Variants in KCNN2 observed in about 807,000 individuals in gnomAD.
The protein encoded by KCNN2 is potassium calcium-activated channel subfamily N member 2.
A neutral mutation model predicts 55.5 loss-of-function variants in KCNN2; 24 were observed. The ratio of observed to expected loss-of-function variants is 0.43; its 90% CI spans 0.31 to 0.61. The LOEUF (loss-of-function observed/expected upper bound fraction) is 0.61, where lower values mean the gene tolerates loss of function less well. Ranked by LOEUF, KCNN2 falls within the 20% of genes least tolerant of loss-of-function variation. KCNN2 has a pLI of 0.08. For missense variants in KCNN2, 754 were observed against 853.6 expected (o/e 0.88, Z 1.45); for synonymous variants, 431 against 336.1 (o/e 1.28, Z -3.09).
intron 2 of KCNN2, among the ~76,000 whole-genome samples, chr5:114,221,923 T>C (rs1197623094): frequency 6.6e-6 from 1 of 152,214 alleles, no homozygotes; most frequent in Admixed American, 6.5e-5. Flanking sequence ...ATCTTTGTTC[T>C]GGAACAAAAT....
At chr5:114,433,863 C>A (rs754619661) in intron 3 of KCNN2, 7 of 155,422 alleles carry the variant, frequency 4.5e-5, no homozygotes, top group Non-Finnish European at 9.9e-5. Context: ...CTGTAACACT[C>A]ACCGCCAGGG....
At chr5:114,139,467 C>A (rs73779706) in intron 1 of KCNN2, among the ~76,000 whole-genome samples, 26 of 146,374 alleles carry the variant, frequency 1.8e-4, no homozygotes, top group Non-Finnish European at 2.6e-4. Context: ...CCACCCCCCC[C>A]ACACACACAC....
intron 1 of KCNN2, among the ~76,000 whole-genome samples, chr5:114,067,923 G>GT (rs767142458): frequency 2.7e-4 from 41 of 152,272 alleles, no homozygotes; most frequent in Non-Finnish European, 5.1e-4. Flanking sequence ...ATTATATGAA[G>GT]TTTTTTTAGC....
chr5:114,422,519 G>A (rs935923243), intron 3 of KCNN2, among the ~76,000 whole-genome samples: 3 of 151,352 alleles, frequency 2.0e-5, no homozygotes, highest in African/African-American at 7.4e-5. Flanking sequence ...AAGCCAGTCA[G>A]CTTATGGTAT....
At chr5:114,412,623 C>T (rs539839221) in intron 3 of KCNN2, among the ~76,000 whole-genome samples, 4 of 152,218 alleles carry the variant, frequency 2.6e-5, no homozygotes, top group African/African-American at 2.4e-5. Flanking sequence ...TAGGGAGCCA[C>T]ATATTAGAGT....
intron 5 of KCNN2, 110 bp from the exon 6 acceptor site, chr5:114,486,940 A>G: frequency 7.5e-7 from 1 of 1,336,562 alleles, no homozygotes; most frequent in Non-Finnish European, 1.1e-6. Flanking sequence ...TGGTTACTAA[A>G]TGAAGCTACA....
Position 114,436,584 on chromosome 5 carries a change from C to T in KCNN2, c.1638-26465C>T, listed in dbSNP as rs574190972. 1.2e-4 allele frequency among the ~76,000 whole-genome samples: 19 copies of T among 152,212 alleles called. No individual in the cohort carries two copies. The East Asian group carries it at 2.3e-3, about 19-fold the overall frequency. ...TTCCACCTAGGCATACATACTTGGACGGTTGTTTGGTTTTTTCCTCACGAT... is the reference window on the plus strand; with the variant it reads ...TTCCACCTAGGCATACATACTTGGATGGTTGTTTGGTTTTTTCCTCACGAT... On this transcript the variant is annotated intron_variant, in intron 3 of 7. Coordinates refer to ENST00000673685, the MANE Select transcript of KCNN2 (RefSeq NM_021614.4).
rs79894865 is a variant in KCNN2 at position 114,133,011 on chromosome 5, C to T, written c.-271+76511C>T. ...TGGAGAGAGAAAGAGAGGGATTCTT[C>T]TACCCATATTCCCAAAGTATCTAAT... is the stretch of plus-strand genomic sequence containing the variant. On this transcript the variant is annotated intron_variant, in intron 1 of 10. Coordinates refer to the KCNN2 transcript ENST00000512097. 8.6e-4 allele frequency among the ~76,000 whole-genome samples: 131 copies of T among 152,320 alleles called. 1 individual carries two copies. Among genetic ancestry groups the T allele is most frequent in the African/African-American group, 3.1e-3 (130 of 41,580 alleles).
chr5:114,241,407 A>T (rs1186471382), intron 2 of KCNN2, among the ~76,000 whole-genome samples: 1 of 151,880 alleles, frequency 6.6e-6, no homozygotes, highest in African/African-American at 2.4e-5. Flanking sequence ...ATGTATACCA[A>T]GTTGCTATAA....
chr5:114,471,795 C>T (rs1243529278), intron 4 of KCNN2, among the ~76,000 whole-genome samples: 2 of 152,172 alleles, frequency 1.3e-5, no homozygotes, highest in African/African-American at 4.8e-5. Context: ...GCAGTATTGG[C>T]TCATCATTGT....
At chr5:114,315,805 G>C (rs945044961) in intron 2 of KCNN2, among the ~76,000 whole-genome samples, 1 of 152,052 alleles carries the variant, frequency 6.6e-6, no homozygotes, top group Non-Finnish European at 1.5e-5. Flanking sequence ...CAGATAAAAA[G>C]CACTTTGGAG....
intron 3 of KCNN2, among the ~76,000 whole-genome samples, chr5:114,460,232 TTTTGTTTG>T (rs530209198): frequency 6.6e-6 from 1 of 152,050 alleles, no homozygotes; most frequent in African/African-American, 2.4e-5. Context: ...AAGGTTGTTT[TTTTGTTTG>T]TTTGTTTGTT....
chr5:114,396,805 A>G (rs548584502), intron 2 of KCNN2, among the ~76,000 whole-genome samples: 1 of 152,196 alleles, frequency 6.6e-6, no homozygotes, highest in South Asian at 2.1e-4. Context: ...TTGGCCTCCA[A>G]AAGTGCTGGG....
chr5:114,264,882 T>C (rs1488221720), intron 2 of KCNN2, among the ~76,000 whole-genome samples: 1 of 152,194 alleles, frequency 6.6e-6, no homozygotes, highest in African/African-American at 2.4e-5. Flanking sequence ...TGACAAAAGG[T>C]TCAAGTGCCC....
At chr5:114,380,819 T>C (rs750212311) in intron 2 of KCNN2, among the ~76,000 whole-genome samples, 1 of 151,950 alleles carries the variant, frequency 6.6e-6, no homozygotes, top group African/African-American at 2.4e-5. Flanking sequence ...GCCTTTGGGG[T>C]TCACTAATGC....
At position 114,123,658 on chromosome 5, in the gene KCNN2, C is replaced by T. The variant is rs936406004; in HGVS notation, c.-271+67158C>T. ...GATTACAGGCGTGAGCCACCGCGCC[C>T]GGCCTCATTTTCTTAATTTTTTTGT... On this transcript the variant is annotated intron_variant, in intron 1 of 10. Coordinates refer to the KCNN2 transcript ENST00000512097. Among the ~76,000 whole-genome samples the T allele has an allele frequency of 9.4e-5, 6 of 63,588 alleles. No individual in the cohort carries two copies. In the East Asian group the frequency reaches 1.0e-3, roughly 11 times the overall value. The allele number at this position is 63,588 out of a possible 152,430, so 41.7% of individuals were successfully genotyped here.
chr5:114,070,241 C>T (rs116197894), intron 1 of KCNN2, among the ~76,000 whole-genome samples: 1,704 of 152,306 alleles, frequency 0.011, 30 homozygotes, highest in African/African-American at 0.04. Flanking sequence ...TTGCCAGTTC[C>T]TCCTCTCTGA....
intron 3 of KCNN2, among the ~76,000 whole-genome samples, chr5:114,448,711 G>A (rs774875104): frequency 3.3e-5 from 5 of 152,222 alleles, no homozygotes; most frequent in Non-Finnish European, 7.3e-5. Context: ...ATTCAGGAAT[G>A]TTCTGCTTCC....
chr5:114,382,208 A>G (rs1047203423), intron 2 of KCNN2, among the ~76,000 whole-genome samples: 14 of 152,232 alleles, frequency 9.2e-5, no homozygotes, highest in African/African-American at 2.7e-4. Flanking sequence ...ACTATTCTGC[A>G]GTGCAATCCT....
Sources: gnomAD v4.1 joint callset for allele counts (sites outside exome capture counted in the v4.1 genomes callset) on GRCh38, gnomAD v4.1.1 for gene constraint, MANE v1.5 for transcripts, NCBI Gene and HGNC (gene_info 2026-07-23, HGNC 2026-07-21) for gene names.